EFCAB5: variants seen among roughly 807,000 people sequenced by gnomAD.
EFCAB5 encodes the protein EF-hand calcium-binding domain-containing protein 5.
A neutral mutation model predicts 167.9 loss-of-function variants in EFCAB5; 131 were observed. That is an observed-to-expected ratio of 0.78 (90% CI 0.68 to 0.90). The LOEUF is 0.90. Among genes scored for constraint, EFCAB5 ranks in the 40% least tolerant of loss-of-function variants. The pLI is 0.00. For missense variants in EFCAB5, 1,663 were observed against 1,745.2 expected, an observed-to-expected ratio of 0.95 and a Z score of 0.84; for synonymous variants, 574 against 602.8, an observed-to-expected ratio of 0.95 and a Z score of 0.70.
At chr17:29,983,154 T>C (rs1433746545) in intron 4 of EFCAB5, among the ~76,000 whole-genome samples, 1 of 152,222 alleles carries the variant, frequency 6.6e-6, no homozygotes, top group Non-Finnish European at 1.5e-5. Flanking sequence ...TGCAGTAAGA[T>C]GAAACCTTTC....
chr17:29,965,899 A>G (rs1246273348), intron 3 of EFCAB5, among the ~76,000 whole-genome samples: 1 of 152,168 alleles, frequency 6.6e-6, no homozygotes, highest in Non-Finnish European at 1.5e-5. Context: ...TTTTGTTGCT[A>G]TAATGACATG....
chr17:30,107,874 C>T lies in EFCAB5; in HGVS notation c.4362C>T (p.Val1454=). 11 of 1,581,568 alleles carry T rather than the reference C, an allele frequency of 7.0e-6. No homozygotes were observed. The highest frequency in any genetic ancestry group is 9.4e-6 in the Non-Finnish European group (11 of 1,169,844). ...AAGTATGGAAATTTGGTAATGTTGT[C>T]ATTGAACATCTATACCACTGGATAC... The part of the protein sequence containing the change: ...RTEVWKFGNV[V]IEHLYHWIHI... Residue 1454 remains valine (V), a synonymous_variant, in exon 23 of 23, where the codon GTC becomes GTT. Coordinates refer to ENST00000394835, the MANE Select transcript of EFCAB5 (RefSeq NM_198529.4).
intron 4 of EFCAB5, among the ~76,000 whole-genome samples, chr17:29,979,951 C>G (rs1371722297): frequency 6.6e-6 from 1 of 151,968 alleles, no homozygotes; most frequent in Non-Finnish European, 1.5e-5. Flanking sequence ...GGTGGATCAC[C>G]CGAGGTCAGG....
At chr17:30,086,946 C>A in intron 18 of EFCAB5, 117 bp from the exon 19 acceptor site, 2 of 812,158 alleles carry the variant, frequency 2.5e-6, no homozygotes, top group Non-Finnish European at 3.8e-6. Context: ...TGTCACTGTC[C>A]TTAAAGCCAG....
intron 8 of EFCAB5, among the ~76,000 whole-genome samples, chr17:30,038,725 G>A (rs187074274): frequency 2.6e-5 from 4 of 152,302 alleles, no homozygotes; most frequent in African/African-American, 7.2e-5. Context: ...TTCCATCTGT[G>A]ATTGAGCATC....
At chr17:29,982,493 C>T (rs1314614803) in intron 4 of EFCAB5, among the ~76,000 whole-genome samples, 10 of 152,086 alleles carry the variant, frequency 6.6e-5, no homozygotes, top group African/African-American at 2.4e-4. Flanking sequence ...TATTAACTTG[C>T]CAGGCAAAGG....
chr17:30,073,478 A>G (rs1396936644), intron 14 of EFCAB5, among the ~76,000 whole-genome samples: 1 of 152,052 alleles, frequency 6.6e-6, no homozygotes, highest in Non-Finnish European at 1.5e-5. Flanking sequence ...TAATCTGTCT[A>G]TTCATCTCTC....
chr17:29,994,885 G>C (rs1855779822), intron 5 of EFCAB5, among the ~76,000 whole-genome samples: 1 of 152,140 alleles, frequency 6.6e-6, no homozygotes, highest in South Asian at 2.1e-4. Flanking sequence ...AAGAACTGAG[G>C]GTCCTGGGAA....
chr17:30,106,954 A>G (rs962706331), intron 22 of EFCAB5, among the ~76,000 whole-genome samples: 1 of 152,224 alleles, frequency 6.6e-6, no homozygotes, highest in African/African-American at 2.4e-5. Context: ...AGAAAAAAAC[A>G]ATTCTTACAA....
rs1314885024 is a variant in EFCAB5, at chr17:30,054,000, A to G, written c.2046A>G (p.Thr682=). ...QSRKDSILKS[T]KYGEPITSEY... Reference sequence around the variant, plus strand: ...GAAAAGATAGTATCTTAAAAAGTACAAAATATGGGGAACCTATAACCTCTG... The same window carrying G: ...GAAAAGATAGTATCTTAAAAAGTACGAAATATGGGGAACCTATAACCTCTG... The change falls in exon 10 of 23, where the codon ACA becomes ACG. Residue 682 remains threonine, a synonymous_variant. Transcript: ENST00000394835. 6.2e-7 allele frequency: 1 copy of G among 1,612,224 alleles called. No homozygotes were observed. Among genetic ancestry groups the G allele is most frequent in the Admixed American group, 1.7e-5 (1 of 59,638 alleles).
At chr17:30,055,548 G>A (rs2070236273) in intron 10 of EFCAB5, among the ~76,000 whole-genome samples, 1 of 152,176 alleles carries the variant, frequency 6.6e-6, no homozygotes, top group South Asian at 2.1e-4. Flanking sequence ...TGTACTATCT[G>A]CAGTTTCAGG....
chr17:29,941,714 A>C lies in EFCAB5; in HGVS notation c.-83A>C. 7.9e-7 allele frequency: 1 copy of C among 1,265,372 alleles called. No homozygotes were observed. The highest frequency in any genetic ancestry group is 2.2e-4 in the Middle Eastern group (1 of 4,448). 78.4% of individuals were successfully genotyped at this position (1,265,372 alleles called of 1,614,324 possible). A position where few individuals can be genotyped will look rare whatever the true frequency, so the allele number is the denominator to read the frequency against. Reference sequence around the variant, plus strand: ...ACTTCTGGAGTACTTTGTGATGTTTATTAATATTTTCTTTCTTTTTGTTAT... The same window carrying C: ...ACTTCTGGAGTACTTTGTGATGTTTCTTAATATTTTCTTTCTTTTTGTTAT... On this transcript the variant is annotated 5_prime_UTR_variant, in exon 1 of 23. Transcript: ENST00000394835.
intron 3 of EFCAB5, among the ~76,000 whole-genome samples, chr17:29,960,857 G>GATT (rs1056978139): frequency 6.6e-6 from 1 of 151,980 alleles, no homozygotes; most frequent in African/African-American, 2.4e-5. Context: ...TACTATTATT[G>GATT]ATTATTATTA....
intron 22 of EFCAB5, among the ~76,000 whole-genome samples, chr17:30,100,772 A>AT (rs996817900): frequency 2.0e-5 from 3 of 152,188 alleles, no homozygotes; most frequent in South Asian, 2.1e-4. Context: ...GTTCAAAAAA[A>AT]AAAAGGTGAG....
In EFCAB5 at chr17:30,080,234, G is replaced by A. The variant is rs1454009542; in HGVS notation, c.3190G>A (p.Gly1064Arg). The A allele has an allele frequency of 1.3e-6, 2 of 1,580,884 alleles. No homozygotes were observed. The highest frequency in any genetic ancestry group is 4.0e-5 in the Admixed American group (2 of 50,486). ...LNRVLYRDMK[G>R]ISFTVVDEGK... ...CAGAGTGCTCTACAGGGACATGAAA[G>A]GAATCAGGTAAGAACTTCTTGAAGA... Residue 1064 changes from glycine to arginine, a missense_variant, in exon 16 of 23, where the codon GGA becomes AGA. Gly to Arg is a moderately radical substitution (Grantham distance 125). Transcript: ENST00000394835.
At chr17:30,058,701 C>T (rs1278089425) in intron 13 of EFCAB5, among the ~76,000 whole-genome samples, 1 of 152,108 alleles carries the variant, frequency 6.6e-6, no homozygotes, top group Non-Finnish European at 1.5e-5. Flanking sequence ...CATTCCCCTT[C>T]ACTCAAAACA....
chr17:29,974,919 A>C (rs1247442524), intron 4 of EFCAB5, among the ~76,000 whole-genome samples: 1 of 152,100 alleles, frequency 6.6e-6, no homozygotes, highest in Non-Finnish European at 1.5e-5. Context: ...GGCTGAACAC[A>C]ATGGCTCACA....
chr17:29,991,811 C>G (rs1331233298), intron 4 of EFCAB5, among the ~76,000 whole-genome samples: 1 of 152,232 alleles, frequency 6.6e-6, no homozygotes, highest in Non-Finnish European at 1.5e-5. Context: ...GAGAAGCTCA[C>G]TACCCTAAGG....
intron 3 of EFCAB5, among the ~76,000 whole-genome samples, chr17:29,961,826 A>C (rs1213881516): frequency 2.0e-5 from 3 of 151,564 alleles, no homozygotes; most frequent in Admixed American, 2.0e-4. Context: ...CATATCGTTT[A>C]CTCTCTTCAG....
Sources: gnomAD v4.1 joint callset for allele counts (sites outside exome capture counted in the v4.1 genomes callset) on GRCh38, gnomAD v4.1.1 for gene constraint, MANE v1.5 for transcripts, NCBI Gene and HGNC (gene_info 2026-07-23, HGNC 2026-07-21) for gene names.